ANKRD30A: variants seen among roughly 807,000 people sequenced by gnomAD.
The protein encoded by ANKRD30A is ankyrin repeat domain-containing protein 30A.
In ANKRD30A, 170 loss-of-function variants were observed where a neutral mutation model predicts 166.3. That is an observed-to-expected ratio of 1.02 (90% CI 0.90 to 1.16). The LOEUF is 1.16. Ranked by LOEUF, ANKRD30A falls within the 50% of genes most tolerant of loss-of-function variation. The pLI is 0.00. For missense variants in ANKRD30A, 1,630 were observed against 1,518.0 expected (o/e 1.07, Z -1.23); for synonymous variants, 564 against 508.9 (o/e 1.11, Z -1.46).
intron 7 of ANKRD30A, among the ~76,000 whole-genome samples, chr10:37,142,570 CTTTTTTTTTTTTTTT>C (rs869026268): frequency 3.8e-5 from 3 of 78,968 alleles, no homozygotes; most frequent in East Asian, 8.9e-4. Context: ...TAGGATCACA[CTTTTTTTTTTTTTTT>C]TTTTTTTTTT....
At chr10:37,197,603 C>A in intron 29 of ANKRD30A, 123 bp downstream of exon 29, 2 of 1,429,074 alleles carry the variant, frequency 1.4e-6, no homozygotes, top group South Asian at 1.3e-5. Context: ...TAGGTAATGC[C>A]AATACTGGTA....
chr10:37,144,519 T>G (rs1296538701), intron 7 of ANKRD30A, among the ~76,000 whole-genome samples: 1 of 152,334 alleles, frequency 6.6e-6, no homozygotes, highest in South Asian at 2.1e-4. Flanking sequence ...GTTGGACATA[T>G]ATTTTGCTAA....
At chr10:37,251,415 T>C in the ANKRD30A span, among the ~76,000 whole-genome samples, 1 of 152,188 alleles carries the variant, frequency 6.6e-6, no homozygotes, top group Non-Finnish European at 1.5e-5. Flanking sequence ...ACTGGGGTGC[T>C]GTCAAAGCCA....
chr10:37,244,320 TAGTC>T, the ANKRD30A span, among the ~76,000 whole-genome samples: 360 of 152,244 alleles, frequency 2.4e-3, 2 homozygotes, highest in African/African-American at 7.9e-3. Flanking sequence ...CATCCACTGT[TAGTC>T]AGACTGGCAC....
intron 27 of ANKRD30A, among the ~76,000 whole-genome samples, 192 bp from the exon 28 acceptor site, chr10:37,197,089 G>C (rs1743693434): frequency 6.6e-6 from 1 of 152,076 alleles, no homozygotes; most frequent in South Asian, 2.1e-4. Flanking sequence ...TGTGAAACCT[G>C]TATTTATATT....
chr10:37,231,935 C>T (rs959236987), intron 35 of ANKRD30A, among the ~76,000 whole-genome samples: 5 of 152,014 alleles, frequency 3.3e-5, no homozygotes, highest in Admixed American at 3.3e-4. Flanking sequence ...TTAAAAACTG[C>T]ATTTAAGTTA....
intron 24 of ANKRD30A, among the ~76,000 whole-genome samples, chr10:37,184,011 G>C (rs1364641901): frequency 2.0e-5 from 3 of 151,720 alleles, no homozygotes; most frequent in Non-Finnish European, 4.4e-5. Context: ...AGCCGGACGT[G>C]GTGGCACGCA....
chr10:37,216,537 A>G (rs976201946), intron 32 of ANKRD30A, 143 bp downstream of exon 32: 1 of 726,304 alleles, frequency 1.4e-6, no homozygotes, highest in Admixed American at 3.6e-5. Flanking sequence ...TTCTTTAAAT[A>G]ATACAAGTTC....
At chr10:37,137,702 T>G (rs1836810011) in intron 6 of ANKRD30A, among the ~76,000 whole-genome samples, 1 of 152,056 alleles carries the variant, frequency 6.6e-6, no homozygotes, top group South Asian at 2.1e-4. Context: ...TGCCGAGGCT[T>G]GAGTAGGTAA....
At chr10:37,191,721 T>G (rs1211015392) in intron 25 of ANKRD30A, among the ~76,000 whole-genome samples, 3 of 151,960 alleles carry the variant, frequency 2.0e-5, no homozygotes, top group African/African-American at 7.3e-5. Context: ...TCAGGCCAGG[T>G]GTGGTGGCTC....
chr10:37,199,362 A>T (rs1377264400), intron 29 of ANKRD30A, among the ~76,000 whole-genome samples: 1 of 152,186 alleles, frequency 6.6e-6, no homozygotes, highest in Admixed American at 6.6e-5. Context: ...ATACTACCAA[A>T]TAAAAATTTA....
In ANKRD30A at chr10:37,125,791, G is replaced by C. The variant is rs1349605032; in HGVS notation, c.4G>C (p.Glu2Gln). Reference protein sequence around the residue: MEEISAAAVKVV... With the variant: MQEISAAAVKVV... ...TCTCTAGCAGGTGGCCGCAGCCATG[G>C]AGGAGATCTCTGCCGCCGCTGTCAA... The change falls in exon 1 of 36, where the codon GAG becomes CAG. Residue 2 changes from glutamate to glutamine, a missense_variant. Transcript: ENST00000361713. 1.3e-5 allele frequency: 9 copies of C among 676,232 alleles called. No homozygotes were observed. Among genetic ancestry groups the C allele is most frequent in the Non-Finnish European group, 2.1e-5 (8 of 388,240 alleles). The allele number at this position is 676,232 out of a possible 1,614,324, so 41.9% of individuals were successfully genotyped here.
At chr10:37,165,462 T>G (rs1296394451) in intron 18 of ANKRD30A, among the ~76,000 whole-genome samples, 8 of 152,328 alleles carry the variant, frequency 5.3e-5, no homozygotes, top group Non-Finnish European at 1.5e-5. Flanking sequence ...AGAATTACAC[T>G]GAGTCGAGCT....
chr10:37,160,476 G>A (rs979578995), intron 15 of ANKRD30A, among the ~76,000 whole-genome samples: 1 of 152,126 alleles, frequency 6.6e-6, no homozygotes. Context: ...TTGAACTTCA[G>A]AGATGCTCAG....
At chr10:37,130,106 C>A (rs572452768) in intron 2 of ANKRD30A, 99 bp downstream of exon 2, 54 of 1,168,094 alleles carry the variant, frequency 4.6e-5, no homozygotes, top group Admixed American at 7.9e-5. Context: ...GTTTTGAAAC[C>A]TGTGGAATAT....
chr10:37,212,458 C>G (rs916553720), intron 31 of ANKRD30A, among the ~76,000 whole-genome samples: 1 of 151,880 alleles, frequency 6.6e-6, no homozygotes, highest in Admixed American at 6.6e-5. Context: ...GGTAATTTAT[C>G]GATTCAATGC....
At chr10:37,200,981 T>G (rs1207592839) in intron 30 of ANKRD30A, among the ~76,000 whole-genome samples, 1 of 152,066 alleles carries the variant, frequency 6.6e-6, no homozygotes, top group Non-Finnish European at 1.5e-5. Context: ...ATTGAATTTT[T>G]TCGTGTATAT....
At chr10:37,243,361 G>T in the ANKRD30A span, among the ~76,000 whole-genome samples, 4 of 151,028 alleles carry the variant, frequency 2.6e-5, no homozygotes, top group Non-Finnish European at 5.9e-5. Flanking sequence ...AGCCAGGATG[G>T]TCTGGATCTC....
intron 31 of ANKRD30A, among the ~76,000 whole-genome samples, chr10:37,203,580 C>T (rs1029005840): frequency 1.3e-5 from 2 of 152,188 alleles, no homozygotes; most frequent in African/African-American, 4.8e-5. Flanking sequence ...TGGCACAAGA[C>T]AGGGATGCCC....
Sources: gnomAD v4.1 joint callset for allele counts (sites outside exome capture counted in the v4.1 genomes callset) on GRCh38, gnomAD v4.1.1 for gene constraint, MANE v1.5 for transcripts, NCBI Gene and HGNC (gene_info 2026-07-23, HGNC 2026-07-21) for gene names.